The following PPP2R3A variants were observed in gnomAD, a reference collection of about 807,000 sequenced individuals.
PPP2R3A encodes protein phosphatase 2 regulatory subunit B''alpha.
PPP2R3A carries 80 observed loss-of-function variants against 106.9 expected under a neutral mutation model. That is an observed-to-expected ratio of 0.75 (90% CI 0.62 to 0.90). The LOEUF (loss-of-function observed/expected upper bound fraction) is 0.90, where lower values mean the gene tolerates loss of function less well. Among genes scored for constraint, PPP2R3A ranks in the 40% least tolerant of loss-of-function variants. The probability of loss-of-function intolerance (pLI) is 0.00; values close to 1 mark genes in which losing one functional copy is unlikely to be tolerated. For missense variants in PPP2R3A, 1,386 were observed against 1,350.4 expected (o/e 1.03, Z -0.41); for synonymous variants, 483 against 468.3 (o/e 1.03, Z -0.41).
chr3:136,074,960 A>G (rs183491465), intron 6 of PPP2R3A, among the ~76,000 whole-genome samples: 1 of 152,372 alleles, frequency 6.6e-6, no homozygotes, highest in Admixed American at 6.5e-5. Flanking sequence ...CAAAGAGTGA[A>G]TTAGAAATCT....
At chr3:136,051,110 A>G (rs1157274160) in intron 5 of PPP2R3A, among the ~76,000 whole-genome samples, 1 of 152,178 alleles carries the variant, frequency 6.6e-6, no homozygotes, top group African/African-American at 2.4e-5. Context: ...ATTGCTTGTT[A>G]ATATTCTTGT....
At chr3:136,030,792 A>G (rs1576447513) in intron 3 of PPP2R3A, among the ~76,000 whole-genome samples, 1 of 143,158 alleles carries the variant, frequency 7.0e-6, no homozygotes, top group African/African-American at 2.7e-5. Flanking sequence ...GTATGTATGT[A>G]TGTATGTATG....
intron 2 of PPP2R3A, among the ~76,000 whole-genome samples, chr3:136,012,366 A>G (rs985525451): frequency 1.3e-5 from 2 of 152,218 alleles, no homozygotes; most frequent in Admixed American, 6.5e-5. Flanking sequence ...CTGAAAAGCA[A>G]AAACACCAGA....
intron 6 of PPP2R3A, among the ~76,000 whole-genome samples, chr3:136,072,872 TAATG>T (rs1326949147): frequency 6.6e-6 from 1 of 152,334 alleles, no homozygotes; most frequent in East Asian, 1.9e-4. Context: ...TTCATGATCT[TAATG>T]AACGCATAGT....
In PPP2R3A at chr3:135,966,855, C is replaced by T. The variant is rs1267937481; in HGVS notation, c.-441+1006C>T. On this transcript the variant is annotated intron_variant, in intron 1 of 13. Coordinates refer to ENST00000264977, the MANE Select transcript of PPP2R3A (RefSeq NM_002718.5). ...CATCCCCCACACCTTTGGTGCCAGG[C>T]ATTTTTCTTTGTTCTTCCTTAGTCT... is the stretch of plus-strand genomic sequence containing the variant. 3.3e-5 allele frequency among the ~76,000 whole-genome samples: 5 copies of T among 152,118 alleles called. No individual in the cohort carries two copies. The East Asian group carries it at 9.6e-4, about 29-fold the overall frequency.
At chr3:136,089,417 C>G (rs936170499) in intron 9 of PPP2R3A, among the ~76,000 whole-genome samples, 2 of 151,994 alleles carry the variant, frequency 1.3e-5, no homozygotes, top group Admixed American at 6.6e-5. Context: ...TTTCTGGGCT[C>G]TCTCTTCTGC....
At chr3:136,057,072 CCCCCCA>C in intron 5 of PPP2R3A, among the ~76,000 whole-genome samples, 1 of 138,612 alleles carries the variant, frequency 7.2e-6, no homozygotes, top group East Asian at 1.9e-4. Flanking sequence ...AAAGAGGACC[CCCCCCA>C]CACACACCGT....
At chr3:136,087,782 G>A (rs1189447995) in intron 8 of PPP2R3A, 101 bp from the exon 9 acceptor site, 12 of 740,298 alleles carry the variant, frequency 1.6e-5, no homozygotes, top group African/African-American at 5.3e-5. Flanking sequence ...CGATGGTTAC[G>A]GTTTAGCTTG....
intron 10 of PPP2R3A, among the ~76,000 whole-genome samples, chr3:136,097,156 A>G (rs1937235090): frequency 6.6e-6 from 1 of 152,122 alleles, no homozygotes; most frequent in African/African-American, 2.4e-5. Flanking sequence ...ATAAATAGTC[A>G]ATACTTTTAG....
chr3:136,056,897 T>G (rs1357116338), intron 5 of PPP2R3A, among the ~76,000 whole-genome samples: 2 of 152,054 alleles, frequency 1.3e-5, no homozygotes, highest in African/African-American at 4.8e-5. Flanking sequence ...AATAACCTTA[T>G]TTAAAAATGG....
At chr3:136,098,442 T>C (rs1433086276) in intron 10 of PPP2R3A, among the ~76,000 whole-genome samples, 3 of 152,256 alleles carry the variant, frequency 2.0e-5, no homozygotes, top group Non-Finnish European at 4.4e-5. Flanking sequence ...AGTCAACAGT[T>C]ACAACTTAGT....
rs757159984 is a variant in PPP2R3A, at chr3:136,146,645, A to G, written c.*1479A>G. ...TCTTCATGATTAGAACTGATCTTCC[A>G]TTTAACTATTACAGAAAGCAGTAAC... is the stretch of plus-strand genomic sequence containing the variant. On this transcript the variant is annotated 3_prime_UTR_variant, in exon 14 of 14. Coordinates refer to ENST00000264977, the MANE Select transcript of PPP2R3A (RefSeq NM_002718.5). 1 of 152,244 alleles carries G rather than the reference A, an allele frequency of 6.6e-6. No homozygotes were observed. Among genetic ancestry groups the G allele is most frequent in the African/African-American group, 2.4e-5 (1 of 41,470 alleles). The allele number at this position is 152,244 out of a possible 1,614,324, so 9.4% of individuals were successfully genotyped here.
intron 13 of PPP2R3A, among the ~76,000 whole-genome samples, chr3:136,113,564 G>GAGGATCACTTGAGGCT (rs1937631293): frequency 6.6e-6 from 1 of 152,160 alleles, no homozygotes; most frequent in Non-Finnish European, 1.5e-5. Context: ...GCCAAGGCGG[G>GAGGATCACTTGAGGCT]AGGATCACTT....
At chr3:136,088,631 C>T (rs934291170) in intron 9 of PPP2R3A, among the ~76,000 whole-genome samples, 2 of 152,074 alleles carry the variant, frequency 1.3e-5, no homozygotes, top group South Asian at 4.1e-4. Flanking sequence ...ATTGCTGGGT[C>T]GAATGGTAGT....
intron 1 of PPP2R3A, 57 bp downstream of exon 1, chr3:135,965,906 C>T (rs1261346415): frequency 6.6e-6 from 1 of 151,268 alleles, no homozygotes; most frequent in African/African-American, 2.4e-5. Flanking sequence ...TCGTCCCGGC[C>T]CGAGGGGGTG....
chr3:136,020,786 G>C (rs1320418294), intron 2 of PPP2R3A, among the ~76,000 whole-genome samples: 6 of 152,128 alleles, frequency 3.9e-5, no homozygotes, highest in African/African-American at 1.4e-4. Flanking sequence ...AAATCTGTGT[G>C]TGATGGGCAT....
At chr3:136,098,867 T>G (rs1317961087) in intron 10 of PPP2R3A, among the ~76,000 whole-genome samples, 1 of 152,174 alleles carries the variant, frequency 6.6e-6, no homozygotes, top group Admixed American at 6.5e-5. Context: ...ATAGAAAGTT[T>G]GTTTAAATGA....
chr3:136,059,291 A>C (rs1277045958), intron 5 of PPP2R3A, among the ~76,000 whole-genome samples: 4 of 147,420 alleles, frequency 2.7e-5, no homozygotes, highest in Non-Finnish European at 5.9e-5. Context: ...AATTTACAAG[A>C]AAAAAAAACA....
chr3:135,968,831 C>T (rs1247305481), intron 1 of PPP2R3A, among the ~76,000 whole-genome samples: 1 of 152,150 alleles, frequency 6.6e-6, no homozygotes, highest in East Asian at 1.9e-4. Context: ...GCATACTGTA[C>T]ACTCTGTTTT....
Sources: allele counts gnomAD v4.1 joint callset (sites outside exome capture counted in the v4.1 genomes callset), GRCh38; gene constraint gnomAD v4.1.1; transcripts MANE v1.5; gene names NCBI Gene and HGNC (gene_info 2026-07-23, HGNC 2026-07-21).